Variants in AKR1C8 observed in about 807,000 individuals in gnomAD.
The protein encoded by AKR1C8 is aldo-keto reductase family 1 member C8.
chr10:5,116,303 T>C, the AKR1C8 span, among the ~76,000 whole-genome samples: 3 of 152,048 alleles, frequency 2.0e-5, no homozygotes, highest in East Asian at 5.8e-4. Flanking sequence ...TTAATGGAAT[T>C]GTCATTGTGT....
the AKR1C8 span, chr10:5,122,100 T>A: frequency 2.8e-6 from 1 of 358,224 alleles, no homozygotes; most frequent in South Asian, 2.3e-5. Flanking sequence ...TAACTTAGCA[T>A]GTCGGAGATT....
chr10:5,152,972 G>GA, the AKR1C8 span, among the ~76,000 whole-genome samples: 3 of 151,536 alleles, frequency 2.0e-5, no homozygotes, highest in Non-Finnish European at 1.5e-5. Context: ...CAAATTTCTT[G>GA]AAAAAAAAGT....
At chr10:5,149,911 GAA>G in the AKR1C8 span, among the ~76,000 whole-genome samples, 1 of 151,906 alleles carries the variant, frequency 6.6e-6, no homozygotes, top group Non-Finnish European at 1.5e-5. Context: ...TCTCAAAAAA[GAA>G]TATTTTACTC....
At chr10:5,128,717 A>C in the AKR1C8 span, among the ~76,000 whole-genome samples, 2 of 152,056 alleles carry the variant, frequency 1.3e-5, no homozygotes, top group Non-Finnish European at 1.5e-5. Context: ...ATGATAAAAG[A>C]ATCAATCCAG....
At chr10:5,161,780 C>T in the AKR1C8 span, 5 of 534,612 alleles carry the variant, frequency 9.4e-6, no homozygotes, top group South Asian at 7.0e-5. Flanking sequence ...GGAAACCAAG[C>T]TAGAATTAGA....
At chr10:5,137,784 C>T in the AKR1C8 span, among the ~76,000 whole-genome samples, 29 of 152,152 alleles carry the variant, frequency 1.9e-4, no homozygotes, top group Admixed American at 5.2e-4. Flanking sequence ...ACAACTGGGC[C>T]GCCAGGGGTG....
the AKR1C8 span, among the ~76,000 whole-genome samples, chr10:5,179,670 G>GTTCAT: frequency 0.97 from 141,729 of 146,802 alleles, 68,612 homozygotes; most frequent in East Asian, 1. Flanking sequence ...TGGAGGCTTT[G>GTTCAT]TTCTTTTTAT....
At chr10:5,162,622 T>C in the AKR1C8 span, among the ~76,000 whole-genome samples, 3 of 152,202 alleles carry the variant, frequency 2.0e-5, no homozygotes, top group Non-Finnish European at 4.4e-5. Context: ...TTAAAGGAGA[T>C]AAGTATTATT....
At chr10:5,183,233 G>T in the AKR1C8 span, among the ~76,000 whole-genome samples, 3 of 151,972 alleles carry the variant, frequency 2.0e-5, no homozygotes, top group Admixed American at 6.6e-5. Flanking sequence ...TTCTAGTTCT[G>T]AACAATTATC....
chr10:5,148,715 T>G, the AKR1C8 span, among the ~76,000 whole-genome samples: 1 of 152,166 alleles, frequency 6.6e-6, no homozygotes, highest in African/African-American at 2.4e-5. Flanking sequence ...ATAGTAAGCA[T>G]GCAAAATTAC....
At chr10:5,169,451 T>G in the AKR1C8 span, among the ~76,000 whole-genome samples, 1 of 40,958 alleles carries the variant, frequency 2.4e-5, no homozygotes, top group Non-Finnish European at 7.7e-5. Flanking sequence ...GGTTAAAAAT[T>G]TTTGGAAAAG....
chr10:5,137,879 T>C, the AKR1C8 span, among the ~76,000 whole-genome samples: 1 of 151,430 alleles, frequency 6.6e-6, no homozygotes, highest in East Asian at 1.9e-4. Context: ...GGGGAGGGGG[T>C]GTAAGAACAG....
chr10:5,173,555 A>T, the AKR1C8 span, among the ~76,000 whole-genome samples: 36 of 152,130 alleles, frequency 2.4e-4, no homozygotes, highest in African/African-American at 8.2e-4. Flanking sequence ...ACATAACTAT[A>T]AACAAATAGT....
the AKR1C8 span, chr10:5,160,971 C>T: frequency 3.4e-5 from 15 of 447,572 alleles, no homozygotes; most frequent in Admixed American, 3.6e-4. Flanking sequence ...GGCCAAACAA[C>T]CTTCAAGAGT....
chr10:5,162,976 G>A, the AKR1C8 span: 127 of 534,530 alleles, frequency 2.4e-4, no homozygotes, highest in Non-Finnish European at 3.6e-4. Flanking sequence ...GGAAGCCTAC[G>A]TCAATAGCCA....
the AKR1C8 span, among the ~76,000 whole-genome samples, chr10:5,148,042 G>C: frequency 6.6e-6 from 1 of 151,882 alleles, no homozygotes; most frequent in African/African-American, 2.4e-5. Flanking sequence ...TCCTTTTTTT[G>C]TATTTTTCTA....
At chr10:5,151,748 G>T in the AKR1C8 span, among the ~76,000 whole-genome samples, 1 of 151,942 alleles carries the variant, frequency 6.6e-6, no homozygotes, top group Non-Finnish European at 1.5e-5. Flanking sequence ...GTAGAGATGG[G>T]ATTTCACCAT....
chr10:5,176,896 T>G, the AKR1C8 span, among the ~76,000 whole-genome samples: 1 of 152,178 alleles, frequency 6.6e-6, no homozygotes. Flanking sequence ...GATGGGGTTT[T>G]CTAGATATAG....
chr10:5,121,927 G>A, the AKR1C8 span, among the ~76,000 whole-genome samples: 1 of 152,010 alleles, frequency 6.6e-6, no homozygotes, highest in Admixed American at 6.6e-5. Context: ...GTCAGAAATT[G>A]AGCCGTGGAG....
Sources: allele counts gnomAD v4.1 joint callset (sites outside exome capture counted in the v4.1 genomes callset), GRCh38; gene constraint gnomAD v4.1.1; transcripts MANE v1.5; gene names NCBI Gene and HGNC (gene_info 2026-07-23, HGNC 2026-07-21).